ADCY10: variants seen among roughly 807,000 people sequenced by gnomAD.
The protein encoded by ADCY10 is adenylate cyclase type 10.
ADCY10 carries 156 observed loss-of-function variants against 183.3 expected under a neutral mutation model. The ratio of observed to expected loss-of-function variants is 0.85; its 90% CI spans 0.75 to 0.97. ADCY10 has a LOEUF of 0.97. Ranked by LOEUF, ADCY10 falls within the 50% of genes least tolerant of loss-of-function variation. The pLI is 0.00. For synonymous variants in ADCY10, 645 were observed against 670.0 expected, an observed-to-expected ratio of 0.96 and a Z score of 0.58; for missense variants, 1,745 against 1,934.3, an observed-to-expected ratio of 0.90 and a Z score of 1.84.
rs746793741 is a variant in ADCY10, at chr1:167,860,885, T to C, written c.1795A>G (p.Ile599Val). The C allele has an allele frequency of 8.1e-6, 13 of 1,614,038 alleles. No individual in the cohort carries two copies. Among genetic ancestry groups the C allele is most frequent in the Middle Eastern group, 1.6e-4 (1 of 6,062 alleles). ...DEKFYCLLNDIFHVQFPISRE... is the reference protein window; with the variant it reads ...DEKFYCLLNDVFHVQFPISRE... ...TAGCTAGTTACCTGAACATGGAAAA[T>C]GTCATTAAGAAGACAGTAGAACTTT... Residue 599 changes from isoleucine to valine, a missense_variant, in exon 15 of 33, where the codon ATT (isoleucine) becomes GTT (valine). Ile to Val is a conservative substitution (Grantham distance 29, BLOSUM62 3). Coordinates refer to ENST00000367851, the MANE Select transcript of ADCY10 (RefSeq NM_018417.6).
At chr1:167,850,532 T>G (rs1031951155) in intron 18 of ADCY10, among the ~76,000 whole-genome samples, 3 of 151,984 alleles carry the variant, frequency 2.0e-5, no homozygotes, top group Non-Finnish European at 4.4e-5. Context: ...AGGATAGAAC[T>G]TGAAGAATGT....
At chr1:167,886,938 T>C (rs1198502736) in intron 8 of ADCY10, among the ~76,000 whole-genome samples, 1 of 152,198 alleles carries the variant, frequency 6.6e-6, no homozygotes, top group Non-Finnish European at 1.5e-5. Flanking sequence ...AACAGACAGA[T>C]GAAAAAATGT....
At chr1:167,815,868 A>G (rs1443591926) in intron 31 of ADCY10, among the ~76,000 whole-genome samples, 1 of 152,148 alleles carries the variant, frequency 6.6e-6, no homozygotes, top group Non-Finnish European at 1.5e-5. Flanking sequence ...CTGTGAGAGA[A>G]ATGAAGAATG....
intron 17 of ADCY10, among the ~76,000 whole-genome samples, chr1:167,854,979 C>T (rs1435672400): frequency 6.6e-6 from 1 of 152,158 alleles, no homozygotes; most frequent in East Asian, 1.9e-4. Flanking sequence ...CTGTAAACAG[C>T]CAGCTAAAGA....
At chr1:167,822,274 G>A (rs145766699) in intron 29 of ADCY10, 133 bp from the exon 30 acceptor site, 39 of 754,136 alleles carry the variant, frequency 5.2e-5, no homozygotes, top group African/African-American at 4.8e-4. Flanking sequence ...AGAGGGTCCC[G>A]TGGATTGCAA....
intron 9 of ADCY10, among the ~76,000 whole-genome samples, chr1:167,883,154 C>T (rs540270821): frequency 6.6e-6 from 1 of 152,374 alleles, no homozygotes; most frequent in South Asian, 2.1e-4. Flanking sequence ...TGTCCTGCCT[C>T]AGCCTCCTGA....
chr1:167,818,357 C>T, intron 30 of ADCY10, 90 bp from the exon 31 acceptor site: 2 of 1,181,818 alleles, frequency 1.7e-6, no homozygotes, highest in Non-Finnish European at 2.5e-6. Flanking sequence ...GTGCAGCTTC[C>T]TTTACCTGGG....
chr1:167,869,621 C>G (rs1158341780), intron 14 of ADCY10, among the ~76,000 whole-genome samples: 4 of 152,090 alleles, frequency 2.6e-5, no homozygotes, highest in Non-Finnish European at 5.9e-5. Flanking sequence ...ATAGATTCCA[C>G]ACATTGTATG....
intron 21 of ADCY10, among the ~76,000 whole-genome samples, chr1:167,844,401 G>T (rs1388208267): frequency 1.3e-5 from 2 of 152,198 alleles, no homozygotes; most frequent in Non-Finnish European, 2.9e-5. Flanking sequence ...GTGCAAAGCT[G>T]CAACTTTCTC....
chr1:167,896,152 G>A (rs934332718), intron 7 of ADCY10, among the ~76,000 whole-genome samples: 1 of 151,956 alleles, frequency 6.6e-6, no homozygotes, highest in African/African-American at 2.4e-5. Flanking sequence ...AGGTGTCAGC[G>A]GTGCAAGACT....
At chr1:167,880,287 G>T in intron 10 of ADCY10, 96 bp from the exon 11 acceptor site, 2 of 1,193,532 alleles carry the variant, frequency 1.7e-6, no homozygotes, top group South Asian at 1.3e-5. Context: ...GGTTGGGAAA[G>T]GGTGGGAAAG....
chr1:167,830,092 G>A (rs942694941), intron 25 of ADCY10, among the ~76,000 whole-genome samples: 86 of 152,274 alleles, frequency 5.6e-4, no homozygotes, highest in African/African-American at 2.0e-3. Flanking sequence ...GTATCTGCAC[G>A]GGTAGCTACT....
chr1:167,830,221 C>G (rs1342403129), intron 25 of ADCY10, among the ~76,000 whole-genome samples: 1 of 152,042 alleles, frequency 6.6e-6, no homozygotes, highest in East Asian at 1.9e-4. Flanking sequence ...TCACGCCCTC[C>G]CTCATTTTCC....
chr1:167,829,521 G>T, intron 25 of ADCY10, 98 bp from the exon 26 acceptor site: 1 of 1,412,658 alleles, frequency 7.1e-7, no homozygotes, highest in Non-Finnish European at 9.9e-7. Flanking sequence ...ATGGGCCTGG[G>T]AATCAAAACT....
chr1:167,815,805 G>T (rs1436333349), intron 31 of ADCY10, among the ~76,000 whole-genome samples: 3 of 152,226 alleles, frequency 2.0e-5, no homozygotes, highest in African/African-American at 7.2e-5. Flanking sequence ...AGCAATATAA[G>T]CAGAGAGATG....
chr1:167,830,916 T>G (rs1238042929), intron 25 of ADCY10, among the ~76,000 whole-genome samples: 11 of 152,190 alleles, frequency 7.2e-5, no homozygotes, highest in Admixed American at 7.2e-4. Context: ...CACCTATCTG[T>G]GACCTGGAAG....
At chr1:167,866,530 C>CA (rs57450280) in intron 14 of ADCY10, among the ~76,000 whole-genome samples, 18,456 of 109,186 alleles carry the variant, frequency 0.17, 1,717 homozygotes, top group Middle Eastern at 0.24. Flanking sequence ...CTCTATGTGC[C>CA]AAAAAAAAAA....
intron 1 of ADCY10, among the ~76,000 whole-genome samples, chr1:167,909,748 T>C (rs1401886471): frequency 6.6e-6 from 1 of 152,186 alleles, no homozygotes; most frequent in Non-Finnish European, 1.5e-5. Flanking sequence ...GGTATGACAG[T>C]TCAGTTGCTA....
intron 5 of ADCY10, among the ~76,000 whole-genome samples, chr1:167,900,459 T>C (rs187799078): frequency 3.9e-5 from 6 of 152,306 alleles, no homozygotes; most frequent in Non-Finnish European, 8.8e-5. Context: ...ATCAGACTCC[T>C]TGGGTACTAA....
Sources: allele counts gnomAD v4.1 joint callset (sites outside exome capture counted in the v4.1 genomes callset), GRCh38; gene constraint gnomAD v4.1.1; transcripts MANE v1.5; gene names NCBI Gene and HGNC (gene_info 2026-07-23, HGNC 2026-07-21).